Variants in PTPRT observed in about 807,000 individuals in gnomAD.
The protein encoded by PTPRT is protein tyrosine phosphatase receptor type T, also known as receptor-type tyrosine-protein phosphatase T.
PTPRT carries 56 observed loss-of-function variants against 176.8 expected under a neutral mutation model. That is an observed-to-expected ratio of 0.32 (90% CI 0.26 to 0.40). The LOEUF (loss-of-function observed/expected upper bound fraction) is 0.40, where lower values mean the gene tolerates loss of function less well. Among genes scored for constraint, PTPRT ranks in the 10% least tolerant of loss-of-function variants. The probability of loss-of-function intolerance (pLI) is 1.00; values close to 1 mark genes in which losing one functional copy is unlikely to be tolerated. For missense variants in PTPRT, 1,540 were observed against 1,908.2 expected, an observed-to-expected ratio of 0.81 and a Z score of 3.60; for synonymous variants, 783 against 739.0, an observed-to-expected ratio of 1.06 and a Z score of -0.96.
At chr20:42,507,701 A>G (rs1200999085) in intron 7 of PTPRT, among the ~76,000 whole-genome samples, 2 of 152,056 alleles carry the variant, frequency 1.3e-5, no homozygotes, top group Admixed American at 1.3e-4. Flanking sequence ...TAGACCTGAG[A>G]ATAGAGGGAA....
intron 7 of PTPRT, among the ~76,000 whole-genome samples, chr20:42,578,395 G>A (rs1250281424): frequency 1.3e-5 from 2 of 152,130 alleles, no homozygotes; most frequent in Non-Finnish European, 2.9e-5. Flanking sequence ...ACTAATCATG[G>A]TGCAGATGTG....
chr20:42,648,618 G>A (rs1004975363), intron 7 of PTPRT, among the ~76,000 whole-genome samples: 2 of 152,032 alleles, frequency 1.3e-5, no homozygotes, highest in Non-Finnish European at 2.9e-5. Flanking sequence ...GCCCCTGCGT[G>A]TCTAGCGCCA....
intron 1 of PTPRT, among the ~76,000 whole-genome samples, chr20:42,975,602 T>C (rs1471231975): frequency 3.3e-5 from 5 of 152,176 alleles, no homozygotes; most frequent in Admixed American, 6.5e-5. Context: ...ACTGCCTTCA[T>C]AGTATTGTGA....
intron 9 of PTPRT, among the ~76,000 whole-genome samples, chr20:42,447,943 T>C (rs910680520): frequency 1.3e-5 from 2 of 152,164 alleles, no homozygotes; most frequent in African/African-American, 4.8e-5. Context: ...ATAAGAACAA[T>C]CTGACTCCCT....
At chr20:42,415,543 C>A (rs2059058190) in intron 9 of PTPRT, among the ~76,000 whole-genome samples, 2 of 152,074 alleles carry the variant, frequency 1.3e-5, no homozygotes, top group African/African-American at 4.8e-5. Flanking sequence ...AAACATTGTT[C>A]TCCTGCATGG....
intron 6 of PTPRT, among the ~76,000 whole-genome samples, chr20:42,680,769 T>A (rs532409614): frequency 1.3e-5 from 2 of 152,344 alleles, no homozygotes; most frequent in Admixed American, 1.3e-4. Context: ...AGAAAGAAAA[T>A]AAAGTATTAA....
chr20:42,945,980 C>T (rs1458671448), intron 1 of PTPRT, among the ~76,000 whole-genome samples: 4 of 152,126 alleles, frequency 2.6e-5, no homozygotes, highest in Non-Finnish European at 5.9e-5. Flanking sequence ...TGGAATCATA[C>T]AATACGCAAC....
chr20:43,103,778 C>G (rs1214549117), intron 1 of PTPRT, among the ~76,000 whole-genome samples: 1 of 90,582 alleles, frequency 1.1e-5, no homozygotes, highest in African/African-American at 4.5e-5. Context: ...ATAATAATAA[C>G]TAAAAAGATT....
intron 1 of PTPRT, among the ~76,000 whole-genome samples, chr20:42,894,807 A>C (rs539850526): frequency 6.6e-6 from 1 of 152,312 alleles, no homozygotes; most frequent in Non-Finnish European, 1.5e-5. Flanking sequence ...AGGACCAGGC[A>C]TAGGGGGTAG....
Position 42,941,088 on chromosome 20 carries a change from A to AAAAAATAATAATAAT in PTPRT, c.89-55157_89-55156insATTATTATTATTTTT, listed in dbSNP as rs1555807280. The stretch of plus-strand genomic sequence containing the variant: ...CAGAGCAAGACTCCATCTCAAAAAA[A>AAAAAATAATAATAAT]AATAATAATAATAATAATAATAATA... On this transcript the variant is annotated intron_variant, in intron 1 of 30. Transcript: ENST00000373187. Among the ~76,000 whole-genome samples the AAAAAATAATAATAAT allele has an allele frequency of 2.7e-5, 4 of 150,400 alleles. 1 individual carries two copies. Among genetic ancestry groups the AAAAAATAATAATAAT allele is most frequent in the African/African-American group, 2.4e-5 (1 of 40,982 alleles).
rs560482555 is a variant in PTPRT, at chr20:42,283,064, G to A, written c.2140-539C>T. 4.6e-5 allele frequency among the ~76,000 whole-genome samples: 7 copies of A among 152,222 alleles called. No homozygotes were observed. In the East Asian group the frequency reaches 9.7e-4, roughly 21 times the overall value. On this transcript the variant is annotated intron_variant, in intron 12 of 30. Coordinates refer to ENST00000373187, the MANE Select transcript of PTPRT (RefSeq NM_007050.6). ...ACTTTTCCCCTGAGCTCTTGTGTGG[G>A]CCTCGCAACCTTCATAAATAATGTG...
intron 1 of PTPRT, among the ~76,000 whole-genome samples, chr20:42,974,473 G>GCA (rs143734801): frequency 0.011 from 1,679 of 149,912 alleles, 17 homozygotes; most frequent in African/African-American, 0.027. Context: ...GTGCACGCGC[G>GCA]CACACACACA....
intron 12 of PTPRT, among the ~76,000 whole-genome samples, chr20:42,287,829 C>T (rs1374175455): frequency 6.6e-6 from 1 of 151,652 alleles, no homozygotes; most frequent in Non-Finnish European, 1.5e-5. Context: ...CTATGTATCC[C>T]ATAAATATTT....
At chr20:42,954,355 G>T (rs149253254) in intron 1 of PTPRT, among the ~76,000 whole-genome samples, 279 of 152,284 alleles carry the variant, frequency 1.8e-3, no homozygotes, top group African/African-American at 6.3e-3. Flanking sequence ...GGACTGGAGG[G>T]AGGAATTGAT....
chr20:42,561,158 T>C (rs1380809615), intron 7 of PTPRT, among the ~76,000 whole-genome samples: 1 of 152,182 alleles, frequency 6.6e-6, no homozygotes, highest in African/African-American at 2.4e-5. Flanking sequence ...CCCTTGGAAA[T>C]ATAACCTTAG....
chr20:43,005,637 G>A (rs1474365078), intron 1 of PTPRT, among the ~76,000 whole-genome samples: 1 of 152,108 alleles, frequency 6.6e-6, no homozygotes, highest in Non-Finnish European at 1.5e-5. Context: ...TGCAATGTAT[G>A]TTTCAGAAAG....
At chr20:42,738,214 T>C (rs534480261) in intron 6 of PTPRT, among the ~76,000 whole-genome samples, 4 of 152,228 alleles carry the variant, frequency 2.6e-5, no homozygotes, top group Non-Finnish European at 4.4e-5. Context: ...ATTCACAGAA[T>C]TAAGAATGAC....
In PTPRT at chr20:42,075,000, C is replaced by T; in HGVS notation, c.*5879G>A. 2.5e-6 allele frequency: 1 copy of T among 393,754 alleles called. No individual in the cohort carries two copies. Among genetic ancestry groups the T allele is most frequent in the African/African-American group, 2.1e-5 (1 of 47,920 alleles). The allele number at this position is 393,754 out of a possible 1,614,324, so 24.4% of individuals were successfully genotyped here. Reference sequence around the variant, plus strand: ...AAGAAACTGGAGCTAGAACAGCTCCCCCCACACTCCACCACTAACCTCTCT... The same window carrying T: ...AAGAAACTGGAGCTAGAACAGCTCCTCCCACACTCCACCACTAACCTCTCT... On this transcript the variant is annotated 3_prime_UTR_variant, in exon 31 of 31. Coordinates refer to ENST00000373187, the MANE Select transcript of PTPRT (RefSeq NM_007050.6).
chr20:42,393,077 G>A (rs1433879912), intron 9 of PTPRT, among the ~76,000 whole-genome samples: 5 of 152,066 alleles, frequency 3.3e-5, no homozygotes, highest in East Asian at 1.9e-4. Context: ...ATTTTGTAAC[G>A]ATTCTTCTCC....
Sources: allele counts gnomAD v4.1 joint callset (sites outside exome capture counted in the v4.1 genomes callset), GRCh38; gene constraint gnomAD v4.1.1; transcripts MANE v1.5; gene names NCBI Gene and HGNC (gene_info 2026-07-23, HGNC 2026-07-21).